The following ZBTB38 variants were observed in gnomAD, a reference collection of about 807,000 sequenced individuals.
ZBTB38 encodes the protein zinc finger and BTB domain-containing protein 38.
A neutral mutation model predicts 76.8 loss-of-function variants in ZBTB38; 20 were observed. The observed-to-expected ratio is 0.26, with a 90% confidence interval of 0.18 to 0.38. The LOEUF is 0.38. Among genes scored for constraint, ZBTB38 ranks in the 10% least tolerant of loss-of-function variants. The pLI is 1.00. For synonymous variants in ZBTB38, 504 were observed against 544.2 expected (o/e 0.93, Z 1.03); for missense variants, 1,082 against 1,482.3 (o/e 0.73, Z 4.43).
chr3:141,374,138 TA>T (rs1488394144), intron 2 of ZBTB38, among the ~76,000 whole-genome samples: 1 of 152,024 alleles, frequency 6.6e-6, no homozygotes, highest in Non-Finnish European at 1.5e-5. Flanking sequence ...AAAGTGTTGA[TA>T]AAAAATAATC....
chr3:141,428,580 G>A (rs973691359), intron 5 of ZBTB38, among the ~76,000 whole-genome samples: 24 of 152,136 alleles, frequency 1.6e-4, no homozygotes, highest in Admixed American at 2.6e-4. Context: ...CTTCACCTCC[G>A]GGGTTCAAGC....
intron 3 of ZBTB38, among the ~76,000 whole-genome samples, chr3:141,385,191 C>T (rs570547061): frequency 1.3e-5 from 2 of 152,090 alleles, no homozygotes; most frequent in Admixed American, 1.3e-4. Context: ...TTTTTGCAAG[C>T]GTTAAAATTA....
intron 5 of ZBTB38, among the ~76,000 whole-genome samples, chr3:141,437,835 C>G (rs183978286): frequency 1.3e-5 from 2 of 152,270 alleles, no homozygotes. Context: ...TCTCAAAGCA[C>G]ATAATAGGTA....
At chr3:141,411,552 G>A (rs766638233) in intron 5 of ZBTB38, among the ~76,000 whole-genome samples, 1 of 152,224 alleles carries the variant, frequency 6.6e-6, no homozygotes, top group Non-Finnish European at 1.5e-5. Flanking sequence ...TTGCTTTAAT[G>A]GGAGGGGACA....
chr3:141,435,857 A>T (rs1414827292), intron 5 of ZBTB38, among the ~76,000 whole-genome samples: 1 of 152,206 alleles, frequency 6.6e-6, no homozygotes. Flanking sequence ...ATGGCCAGTT[A>T]TCCAATTACA....
chr3:141,328,460 T>C (rs1260763048), intron 1 of ZBTB38, among the ~76,000 whole-genome samples: 1 of 152,218 alleles, frequency 6.6e-6, no homozygotes, highest in Non-Finnish European at 1.5e-5. Context: ...CCTCATTTAC[T>C]CAAATCAGAA....
chr3:141,345,841 T>C (rs1005034051), intron 1 of ZBTB38, among the ~76,000 whole-genome samples: 4 of 151,990 alleles, frequency 2.6e-5, no homozygotes, highest in African/African-American at 9.7e-5. Context: ...CCCCAGGCCC[T>C]CACCCACCAA....
upstream of ZBTB38, chr3:141,367,716 TTAATAG>T (rs1944023923): frequency 6.6e-6 from 1 of 152,248 alleles, no homozygotes; most frequent in African/African-American, 2.4e-5. Flanking sequence ...ATTAGGAATA[TTAATAG>T]TACCTACCTC....
At chr3:141,414,136 A>G (rs1304840050) in intron 5 of ZBTB38, among the ~76,000 whole-genome samples, 1 of 152,250 alleles carries the variant, frequency 6.6e-6, no homozygotes, top group African/African-American at 2.4e-5. Context: ...TAAAACTCAC[A>G]TACATACAGG....
Position 141,442,981 on chromosome 3 carries a change from C to G in ZBTB38, c.593C>G (p.Thr198Arg), listed in dbSNP as rs896057076. ...SFKKVSDSMR[T>R]ASLCLERTDV... Reference sequence around the variant, plus strand: ...AAAAAGGTCTCCGACTCCATGAGAACAGCTAGCCTTTGCCTGGAGAGGACG... The same window carrying G: ...AAAAAGGTCTCCGACTCCATGAGAAGAGCTAGCCTTTGCCTGGAGAGGACG... The change falls in exon 6 of 6, where the codon ACA becomes AGA. Residue 198 changes from threonine to arginine, a missense_variant. Around this residue, in one of 8 missense-constraint regions of ZBTB38, gnomAD observed 324 missense variants for 359.1 expected, o/e 0.90. Transcript: ENST00000321464. This position sits in a 1 kb window ranked among gnomAD's most constrained non-coding sequence, Gnocchi z 6.4. 2.5e-6 allele frequency: 4 copies of G among 1,614,252 alleles called. No homozygotes were observed. The South Asian group carries it at 4.4e-5, about 18-fold the overall frequency.
chr3:141,422,984 A>G (rs978505050), intron 5 of ZBTB38, among the ~76,000 whole-genome samples: 3 of 152,150 alleles, frequency 2.0e-5, no homozygotes, highest in Admixed American at 6.5e-5. Flanking sequence ...CTCTTACTGT[A>G]TTACCTATAA....
In ZBTB38 at chr3:141,444,435, A is replaced by G. The variant is rs768435392; in HGVS notation, c.2047A>G (p.Ser683Gly). 1 of 1,614,084 alleles carries G rather than the reference A, an allele frequency of 6.2e-7. No individual in the cohort carries two copies. Among genetic ancestry groups the G allele is most frequent in the Admixed American group, 1.7e-5 (1 of 60,036 alleles). Residue 683 changes from serine to glycine, a missense_variant, in exon 6 of 6, where the codon AGT becomes GGT. Around this residue, in one of 8 missense-constraint regions of ZBTB38, gnomAD observed 471 missense variants for 581.0 expected, o/e 0.81. Coordinates refer to ENST00000321464, the MANE Select transcript of ZBTB38 (RefSeq NM_001376113.1). This position sits in a 1 kb window ranked among gnomAD's most constrained non-coding sequence, Gnocchi z 5.1. ...AGTTTCTTCCACTGAAAATGCTGTC[A>G]GTTCTGACCTCCGGGCAGGGGATGT... ...VSVSSTENAV[S>G]SDLRAGDVPV... is the part of the protein sequence containing the mutation.
chr3:141,365,307 C>T (rs188291078), upstream of ZBTB38, among the ~76,000 whole-genome samples: 90 of 152,296 alleles, frequency 5.9e-4, no homozygotes, highest in African/African-American at 2.1e-3. Flanking sequence ...AAAAGAAATT[C>T]ACTTCTTACA....
At chr3:141,432,443 T>G (rs1447285235) in intron 5 of ZBTB38, among the ~76,000 whole-genome samples, 3 of 152,094 alleles carry the variant, frequency 2.0e-5, no homozygotes, top group Non-Finnish European at 4.4e-5. Context: ...TTAAAAAAAA[T>G]GGGGTTCAGT....
chr3:141,354,126 A>G (rs955980168), intron 1 of ZBTB38, among the ~76,000 whole-genome samples: 4 of 152,180 alleles, frequency 2.6e-5, no homozygotes, highest in African/African-American at 7.2e-5. Flanking sequence ...TCTGTGCACA[A>G]TACACACAAT....
intron 1 of ZBTB38, among the ~76,000 whole-genome samples, chr3:141,358,659 G>A (rs1943732629): frequency 6.6e-6 from 1 of 152,040 alleles, no homozygotes; most frequent in Non-Finnish European, 1.5e-5. Flanking sequence ...CATCAACATA[G>A]TCACTTTTAG....
chr3:141,437,479 T>C (rs1309426601), intron 5 of ZBTB38, among the ~76,000 whole-genome samples: 1 of 152,178 alleles, frequency 6.6e-6, no homozygotes, highest in African/African-American at 2.4e-5. Flanking sequence ...CCTTTGAGTG[T>C]AGAATTTTTG....
At chr3:141,374,757 T>C (rs1300277356) in intron 2 of ZBTB38, among the ~76,000 whole-genome samples, 6 of 152,254 alleles carry the variant, frequency 3.9e-5, no homozygotes, top group Non-Finnish European at 8.8e-5. Context: ...TTAATGGCTC[T>C]ATTTCCATTG....
chr3:141,433,867 A>G (rs1280605876), intron 5 of ZBTB38, among the ~76,000 whole-genome samples: 1 of 152,236 alleles, frequency 6.6e-6, no homozygotes, highest in East Asian at 1.9e-4. Context: ...TTGATACTAT[A>G]CCAAAACTTG....
Sources: allele counts gnomAD v4.1 joint callset (sites outside exome capture counted in the v4.1 genomes callset), GRCh38; gene constraint gnomAD v4.1.1; regional missense constraint gnomAD v4.1.1; non-coding constraint Gnocchi (gnomAD v3.1); transcripts MANE v1.5; gene names NCBI Gene and HGNC (gene_info 2026-07-23, HGNC 2026-07-21).